Variants in BLNK observed in about 807,000 individuals in gnomAD.
BLNK encodes B-cell linker protein.
A neutral mutation model predicts 73.5 loss-of-function variants in BLNK; 29 were observed. The observed-to-expected ratio is 0.39, with a 90% CI of 0.29 to 0.54. BLNK has a LOEUF of 0.54. Ranked by LOEUF, BLNK falls within the 20% of genes least tolerant of loss-of-function variation. BLNK has a pLI of 0.61. For synonymous variants in BLNK, 176 were observed against 200.8 expected (o/e 0.88, Z 1.04); for missense variants, 460 against 562.8 (o/e 0.82, Z 1.85).
chr10:96,215,390 C>A lies in BLNK; in HGVS notation c.608-1G>T. 6.2e-7 allele frequency: 1 copy of A among 1,608,282 alleles called. No homozygotes were observed. Among genetic ancestry groups the A allele is most frequent in the Non-Finnish European group, 8.5e-7 (1 of 1,178,076 alleles). On this transcript the variant is annotated splice_acceptor_variant, in intron 7 of 16. Coordinates refer to ENST00000224337, the MANE Select transcript of BLNK (RefSeq NM_013314.4). LOFTEE classifies it high-confidence loss of function. Reference sequence around the variant, plus strand: ...TTGGTTGATCTATTCACCATGGGAGCTTAAACACAGAAATGTGTGTGTATA... The same window carrying A: ...TTGGTTGATCTATTCACCATGGGAGATTAAACACAGAAATGTGTGTGTATA...
In BLNK at chr10:96,207,072, G is replaced by A; in HGVS notation, c.775-19C>T. The A allele has an allele frequency of 1.9e-6, 3 of 1,609,914 alleles. No individual in the cohort carries two copies. The highest frequency in any genetic ancestry group is 2.6e-6 in the Non-Finnish European group (3 of 1,176,308). Reference sequence around the variant, plus strand: ...CTGGAGTCTATGTAAAAGAAAAAAAGGCAAGGTTATTCAATATAGCAGAAT... The same window carrying A: ...CTGGAGTCTATGTAAAAGAAAAAAAAGCAAGGTTATTCAATATAGCAGAAT... On this transcript the variant is annotated intron_variant, in intron 10 of 16. Transcript: ENST00000224337.
chr10:96,193,189 C>G (rs1281197841), intron 16 of BLNK, among the ~76,000 whole-genome samples: 1 of 152,218 alleles, frequency 6.6e-6, no homozygotes, highest in Non-Finnish European at 1.5e-5. Context: ...CCTATTCAAT[C>G]ATTCAGCCAT....
intron 2 of BLNK, 102 bp downstream of exon 2, chr10:96,246,882 G>T: frequency 1.2e-6 from 1 of 847,620 alleles, no homozygotes; most frequent in East Asian, 2.7e-5. Context: ...TGCTAAAGAG[G>T]TAGAAACTTC....
intron 1 of BLNK, among the ~76,000 whole-genome samples, chr10:96,258,851 T>A (rs1843628148): frequency 6.6e-6 from 1 of 152,220 alleles, no homozygotes; most frequent in Non-Finnish European, 1.5e-5. Flanking sequence ...TATCCCCATG[T>A]TTATATTATG....
At chr10:96,242,669 G>T in intron 3 of BLNK, 66 bp downstream of exon 3, 1 of 1,418,354 alleles carries the variant, frequency 7.1e-7, no homozygotes. Context: ...CTTTCCATAA[G>T]CCTAAATGTA....
rs587693230 is a variant in BLNK, at chr10:96,203,296, T to A, written c.934+761A>T. 8.0e-4 allele frequency among the ~76,000 whole-genome samples: 122 copies of A among 152,322 alleles called. 3 individuals carry two copies. The highest frequency in any genetic ancestry group is 7.0e-3 in the Admixed American group (107 of 15,308). ...CACTTTGTGTTGTCAGAATTTTTTT[T>A]AAAAACTAGTAAAAGTTTCATTTAT... On this transcript the variant is annotated intron_variant, in intron 13 of 16. Coordinates refer to ENST00000224337, the MANE Select transcript of BLNK (RefSeq NM_013314.4).
intron 1 of BLNK, among the ~76,000 whole-genome samples, chr10:96,253,480 A>C (rs1843372265): frequency 6.6e-6 from 1 of 152,168 alleles, no homozygotes; most frequent in Non-Finnish European, 1.5e-5. Flanking sequence ...GGGAGGGGAC[A>C]ATCTCAGGTT....
At chr10:96,222,154 A>G (rs1311208213) in intron 6 of BLNK, among the ~76,000 whole-genome samples, 1 of 152,252 alleles carries the variant, frequency 6.6e-6, no homozygotes. Flanking sequence ...AATTCTCAAA[A>G]TAACAGAGAT....
chr10:96,191,104 T>C lies in BLNK; in HGVS notation c.*869A>G, dbSNP rs1410047904. Among the ~76,000 whole-genome samples the C allele has an allele frequency of 1.3e-5, 2 of 152,158 alleles. No homozygotes were observed. On this transcript the variant is annotated 3_prime_UTR_variant, in exon 17 of 17. Transcript: ENST00000224337. ...TAAGTCTCATGAGATCTGATGGTTT[T>C]ATAAAGGGCAGTTCCCCTGCACATG...
At chr10:96,240,071 C>A (rs1305531148) in intron 3 of BLNK, among the ~76,000 whole-genome samples, 1 of 152,212 alleles carries the variant, frequency 6.6e-6, no homozygotes, top group Non-Finnish European at 1.5e-5. Context: ...AAGCTCTTCT[C>A]CTACCCCACA....
chr10:96,258,776 G>A (rs1001825424), intron 1 of BLNK, among the ~76,000 whole-genome samples: 2 of 152,146 alleles, frequency 1.3e-5, no homozygotes, highest in African/African-American at 2.4e-5. Flanking sequence ...CATGTACTAC[G>A]TGCTAGGTAC....
At chr10:96,247,544 T>C (rs912884001) in intron 1 of BLNK, among the ~76,000 whole-genome samples, 1 of 152,160 alleles carries the variant, frequency 6.6e-6, no homozygotes, top group Non-Finnish European at 1.5e-5. Context: ...AAAAGTAATA[T>C]TGAGGCAGGA....
chr10:96,267,559 A>C (rs1472452980), intron 1 of BLNK, among the ~76,000 whole-genome samples: 1 of 152,212 alleles, frequency 6.6e-6, no homozygotes, highest in Non-Finnish European at 1.5e-5. Flanking sequence ...AAGAGAAGGC[A>C]TGTCTCAGAA....
chr10:96,223,111 C>G (rs2084237542), intron 6 of BLNK, among the ~76,000 whole-genome samples: 1 of 152,186 alleles, frequency 6.6e-6, no homozygotes, highest in African/African-American at 2.4e-5. Context: ...CAGCGTTTAA[C>G]TGGTACTTGA....
chr10:96,267,249 A>G (rs1355383283), intron 1 of BLNK, among the ~76,000 whole-genome samples: 13 of 152,218 alleles, frequency 8.5e-5, no homozygotes, highest in Non-Finnish European at 1.8e-4. Flanking sequence ...CATAGGGGAC[A>G]TGGGGGAGCT....
intron 1 of BLNK, among the ~76,000 whole-genome samples, chr10:96,270,103 C>T (rs1844205558): frequency 6.6e-6 from 1 of 152,194 alleles, no homozygotes; most frequent in Non-Finnish European, 1.5e-5. Flanking sequence ...GAATGAGGTG[C>T]CTTCTTGTCC....
Position 96,207,168 on chromosome 10 carries a change from A to T in BLNK, c.775-115T>A. On this transcript the variant is annotated intron_variant, in intron 10 of 16. Coordinates refer to ENST00000224337, the MANE Select transcript of BLNK (RefSeq NM_013314.4). ...CAGCACTTTTCTTTGATGCATTGCTATTCTTTCAATCACAACAACAATTAC... is the reference window on the plus strand; with the variant it reads ...CAGCACTTTTCTTTGATGCATTGCTTTTCTTTCAATCACAACAACAATTAC... 4 of 916,342 alleles carry T rather than the reference A, an allele frequency of 4.4e-6. No individual in the cohort carries two copies. The South Asian group carries it at 5.7e-5, about 13-fold the overall frequency. The allele number at this position is 916,342 out of a possible 1,614,324, so 56.8% of individuals were successfully genotyped here.
At chr10:96,208,050 G>C (rs1236962313) in intron 9 of BLNK, 151 bp from the exon 10 acceptor site, 16 of 827,122 alleles carry the variant, frequency 1.9e-5, no homozygotes, top group Non-Finnish European at 3.0e-5. Context: ...AGGGATGGAA[G>C]TGGGATTTAG....
chr10:96,221,653 A>G (rs2084199369), intron 6 of BLNK, among the ~76,000 whole-genome samples: 2 of 152,172 alleles, frequency 1.3e-5, no homozygotes, highest in Admixed American at 6.5e-5. Context: ...AGAGCCTTAC[A>G]TAACCCACAG....
Sources: gnomAD v4.1 joint callset for allele counts (sites outside exome capture counted in the v4.1 genomes callset) on GRCh38, gnomAD v4.1.1 for gene constraint, MANE v1.5 for transcripts, NCBI Gene and HGNC (gene_info 2026-07-23, HGNC 2026-07-21) for gene names.